Variants in ABL1 observed in about 807,000 individuals in gnomAD.
The protein encoded by ABL1 is tyrosine-protein kinase ABL1.
ABL1 carries 11 observed loss-of-function variants against 94.7 expected under a neutral mutation model. The ratio of observed to expected loss-of-function variants is 0.12; its 90% CI spans 0.07 to 0.19. ABL1 has a LOEUF of 0.19. Ranked by LOEUF, ABL1 falls within the 10% of genes least tolerant of loss-of-function variation. The probability of loss-of-function intolerance (pLI) is 1.00; values close to 1 mark genes in which losing one functional copy is unlikely to be tolerated. For missense variants in ABL1, 1,082 were observed against 1,489.4 expected (o/e 0.73, Z 4.50); for synonymous variants, 656 against 622.4 (o/e 1.05, Z -0.80).
intron 1 of ABL1, among the ~76,000 whole-genome samples, chr9:130,768,765 C>T (rs1832215465): frequency 6.6e-6 from 1 of 152,148 alleles, no homozygotes; most frequent in Non-Finnish European, 1.5e-5. Flanking sequence ...AAATTAAAAC[C>T]CCTATGAGAA....
At chr9:130,759,431 C>A (rs1184667220) in intron 1 of ABL1, among the ~76,000 whole-genome samples, 1 of 152,176 alleles carries the variant, frequency 6.6e-6, no homozygotes, top group Non-Finnish European at 1.5e-5. Context: ...GAGTTGTCTC[C>A]AGTGCTTTAC....
chr9:130,762,458 T>C (rs1471143548), intron 1 of ABL1, among the ~76,000 whole-genome samples: 2 of 152,182 alleles, frequency 1.3e-5, no homozygotes, highest in African/African-American at 2.4e-5. Flanking sequence ...TACAAAGAAA[T>C]TAACAGTTGT....
chr9:130,843,779 G>A (rs1397076286), intron 1 of ABL1, among the ~76,000 whole-genome samples: 2 of 152,102 alleles, frequency 1.3e-5, no homozygotes, highest in African/African-American at 4.8e-5. Context: ...GTGCAGTCAG[G>A]AGAGGCAAGC....
Position 130,886,581 on chromosome 9 carries a change from A to G in ABL1, c.*898A>G, listed in dbSNP as rs1279425680. The G allele has an allele frequency of 1.3e-5, 3 of 233,388 alleles. No individual in the cohort carries two copies. The highest frequency in any genetic ancestry group is 2.5e-5 in the Non-Finnish European group (3 of 118,002). 14.5% of individuals were successfully genotyped at this position (233,388 alleles called of 1,614,324 possible). ...TAGTGGGGTGAACAGCTGGTGCCAA[A>G]TAGCCCCAGACTGGGCCCAGGCAGG... On this transcript the variant is annotated 3_prime_UTR_variant, in exon 11 of 11. Coordinates refer to ENST00000318560, the MANE Select transcript of ABL1 (RefSeq NM_005157.6).
chr9:130,809,411 A>AGAGAGAGAGAGAGAGAGT (rs1564296536), intron 1 of ABL1, among the ~76,000 whole-genome samples: 2 of 116,968 alleles, frequency 1.7e-5, no homozygotes, highest in East Asian at 4.7e-4. Context: ...AGAGAGAGAG[A>AGAGAGAGAGAGAGAGAGT]GAGAGAGTGT....
intron 4 of ABL1, among the ~76,000 whole-genome samples, chr9:130,866,292 T>G (rs1205665786): frequency 6.6e-6 from 1 of 152,156 alleles, no homozygotes; most frequent in African/African-American, 2.4e-5. Context: ...GAACCCAGAT[T>G]CTTATTTCTC....
chr9:130,859,251 C>A (rs1831024326), intron 3 of ABL1, among the ~76,000 whole-genome samples: 1 of 152,182 alleles, frequency 6.6e-6, no homozygotes, highest in South Asian at 2.1e-4. Flanking sequence ...TAGAGTCTTT[C>A]CTTTTCTTGA....
chr9:130,876,762 A>C (rs1831351719), intron 7 of ABL1, among the ~76,000 whole-genome samples: 1 of 92,526 alleles, frequency 1.1e-5, no homozygotes, highest in Admixed American at 1.3e-4. Flanking sequence ...TTTTTGAGAC[A>C]GTCTCACTCT....
upstream of ABL1, among the ~76,000 whole-genome samples, chr9:130,834,467 TG>T (rs755797090): frequency 2.6e-5 from 4 of 152,248 alleles, no homozygotes; most frequent in Non-Finnish European, 4.4e-5. Context: ...TAACATTGTC[TG>T]TGGTCAGTCC....
chr9:130,835,000 T>C, upstream of ABL1: 1 of 372,288 alleles, frequency 2.7e-6, no homozygotes, highest in South Asian at 1.8e-5. Context: ...GGAGCAGGCC[T>C]GCACCCTCCC....
intron 1 of ABL1, among the ~76,000 whole-genome samples, chr9:130,802,739 TCTTG>T (rs1830073029): frequency 6.6e-6 from 1 of 152,220 alleles, no homozygotes; most frequent in Non-Finnish European, 1.5e-5. Flanking sequence ...TGTCCCACTG[TCTTG>T]CTTCTTTGTA....
rs1453781755 is a variant in ABL1 at position 130,885,488 on chromosome 9, C to G, written c.3198C>G (p.Phe1066Leu). 4 of 1,614,022 alleles carry G rather than the reference C, an allele frequency of 2.5e-6. No individual in the cohort carries two copies. The African/African-American group carries it at 5.3e-5, about 22-fold the overall frequency. The change falls in exon 11 of 11, where the codon TTC becomes TTG. Residue 1066 changes from phenylalanine (F) to leucine (L), a missense_variant. Physicochemically the swap from Phe to Leu is conservative, Grantham distance 22. Transcript: ENST00000318560. Reference sequence around the variant, plus strand: ...AGGCCGGCAAAAACCTCTACACGTTCTGCGTGAGCTATGTGGATTCCATCC... The same window carrying G: ...AGGCCGGCAAAAACCTCTACACGTTGTGCGTGAGCTATGTGGATTCCATCC... ...VLEAGKNLYT[F>L]CVSYVDSIQQ...
chr9:130,758,622 G>T (rs987932350), intron 1 of ABL1, among the ~76,000 whole-genome samples: 4 of 152,080 alleles, frequency 2.6e-5, no homozygotes, highest in African/African-American at 9.7e-5. Context: ...TAGTAGAGAC[G>T]GGGTTTTGCC....
intron 1 of ABL1, among the ~76,000 whole-genome samples, chr9:130,750,529 G>T (rs865884643): frequency 2.7e-5 from 4 of 148,788 alleles, no homozygotes; most frequent in Admixed American, 1.4e-4. Flanking sequence ...TTGGCTTACT[G>T]CAACCTCCCC....
chr9:130,874,233 C>T (rs1564319402), intron 6 of ABL1, among the ~76,000 whole-genome samples: 1 of 152,182 alleles, frequency 6.6e-6, no homozygotes, highest in South Asian at 2.1e-4. Context: ...AGACTCCTAC[C>T]TCCCTGGGAG....
intron 1 of ABL1, among the ~76,000 whole-genome samples, chr9:130,810,454 C>T (rs543596840): frequency 5.8e-4 from 88 of 152,256 alleles, no homozygotes; most frequent in African/African-American, 2.0e-3. Context: ...CAAGATCGTA[C>T]CACTGCACTC....
chr9:130,761,188 C>T (rs998097482), intron 1 of ABL1, among the ~76,000 whole-genome samples: 2 of 152,130 alleles, frequency 1.3e-5, no homozygotes, highest in African/African-American at 2.4e-5. Flanking sequence ...AGGATGGTCT[C>T]GATCTCCTGA....
At chr9:130,831,627 G>A (rs1223689358), upstream of ABL1, among the ~76,000 whole-genome samples, 1 of 151,068 alleles carries the variant, frequency 6.6e-6, no homozygotes, top group African/African-American at 2.4e-5. Context: ...TTCTTTTTTT[G>A]AAATGTAGTC....
At chr9:130,754,680 G>GT (rs1435284522) in intron 1 of ABL1, among the ~76,000 whole-genome samples, 1 of 104,876 alleles carries the variant, frequency 9.5e-6, no homozygotes, top group East Asian at 3.3e-4. Flanking sequence ...GTAATGGGGG[G>GT]GGCTTGGAAG....
Sources: gnomAD v4.1 joint callset for allele counts (sites outside exome capture counted in the v4.1 genomes callset) on GRCh38, gnomAD v4.1.1 for gene constraint, MANE v1.5 for transcripts, NCBI Gene and HGNC (gene_info 2026-07-23, HGNC 2026-07-21) for gene names.